The following SUMF1 variants were observed in gnomAD, a reference collection of about 807,000 sequenced individuals.
SUMF1 encodes formylglycine-generating enzyme.
A neutral mutation model predicts 47.6 loss-of-function variants in SUMF1; 48 were observed. That is an observed-to-expected ratio of 1.01 (90% CI 0.80 to 1.28). The LOEUF is 1.28. Ranked by LOEUF, SUMF1 falls within the 50% of genes most tolerant of loss-of-function variation. SUMF1 has a pLI of 0.00. For missense variants in SUMF1, 571 were observed against 485.4 expected (o/e 1.18, Z -1.66); for synonymous variants, 230 against 192.1 (o/e 1.20, Z -1.63).
At chr3:4,390,890 C>T (rs1465151623) in intron 7 of SUMF1, among the ~76,000 whole-genome samples, 1 of 152,142 alleles carries the variant, frequency 6.6e-6, no homozygotes, top group Non-Finnish European at 1.5e-5. Context: ...GCTTATAATT[C>T]TTTTATGTGC....
At chr3:4,260,645 G>A (rs539639427) in intron 8 of SUMF1, among the ~76,000 whole-genome samples, 34 of 152,206 alleles carry the variant, frequency 2.2e-4, no homozygotes, top group African/African-American at 7.2e-4. Context: ...TAAGGCATGA[G>A]AATCGCCTGA....
chr3:4,255,053 C>G (rs313660), intron 8 of SUMF1, among the ~76,000 whole-genome samples: 24,184 of 149,774 alleles, frequency 0.16, 2,205 homozygotes, highest in South Asian at 0.33. Context: ...CCTTTACAGA[C>G]AAGCAAATGC....
At chr3:4,132,920 C>T (rs1693825944) in intron 8 of SUMF1, among the ~76,000 whole-genome samples, 1 of 152,086 alleles carries the variant, frequency 6.6e-6, no homozygotes, top group Non-Finnish European at 1.5e-5. Flanking sequence ...TACAGCACCC[C>T]ACTCCAGGAT....
chr3:4,130,238 T>C lies in SUMF1; in HGVS notation c.1015-61493A>G, dbSNP rs1266860079. ...CTCTGATTGCAGCTGCTGTACCAGA[T>C]GTGATTTCATTGCTTGAGCAAATTA... On this transcript the variant is annotated intron_variant and NMD_transcript_variant, in intron 8 of 12. Transcript: ENST00000448413. 1.3e-5 allele frequency among the ~76,000 whole-genome samples: 2 copies of C among 152,176 alleles called. 1 individual carries two copies. The highest frequency in any genetic ancestry group is 4.8e-5 in the African/African-American group (2 of 41,444).
chr3:4,392,017 A>G (rs976590611), intron 7 of SUMF1, among the ~76,000 whole-genome samples: 4 of 151,836 alleles, frequency 2.6e-5, no homozygotes, highest in African/African-American at 9.7e-5. Flanking sequence ...TTGTAGAGAC[A>G]TGGTTTCTCC....
intron 6 of SUMF1, among the ~76,000 whole-genome samples, chr3:4,412,596 GA>G (rs1701579353): frequency 6.6e-6 from 1 of 152,150 alleles, no homozygotes; most frequent in African/African-American, 2.4e-5. Context: ...GTTAAAAGAT[GA>G]AACAGGCCAG....
intron 8 of SUMF1, among the ~76,000 whole-genome samples, chr3:4,174,705 G>A (rs1008862279): frequency 6.6e-5 from 10 of 152,130 alleles, no homozygotes; most frequent in Admixed American, 5.2e-4. Flanking sequence ...TGCAGCCCAT[G>A]GAGGGTGAGC....
At chr3:4,206,351 T>C (rs1574977066) in intron 8 of SUMF1, among the ~76,000 whole-genome samples, 1 of 152,070 alleles carries the variant, frequency 6.6e-6, no homozygotes, top group African/African-American at 2.4e-5. Context: ...ACAGTCTTTG[T>C]GGCCTAGACT....
At chr3:4,416,437 G>A (rs374624622) in intron 6 of SUMF1, among the ~76,000 whole-genome samples, 21 of 152,136 alleles carry the variant, frequency 1.4e-4, no homozygotes, top group African/African-American at 5.1e-4. Flanking sequence ...ATATAGGCAG[G>A]AAAAAATAGT....
At chr3:4,152,235 G>A (rs1011150573) in intron 8 of SUMF1, among the ~76,000 whole-genome samples, 1 of 151,520 alleles carries the variant, frequency 6.6e-6, no homozygotes, top group Non-Finnish European at 1.5e-5. Context: ...ATAGGAAAGG[G>A]TTTATTCAAG....
intron 8 of SUMF1, among the ~76,000 whole-genome samples, chr3:4,221,432 TGTG>T (rs1696061977): frequency 6.6e-6 from 1 of 151,674 alleles, no homozygotes; most frequent in Non-Finnish European, 1.5e-5. Context: ...TGTGTGTGTG[TGTG>T]TGTGTGTGTG....
chr3:4,356,593 C>G (rs79635600), downstream of SUMF1, among the ~76,000 whole-genome samples: 5 of 133,706 alleles, frequency 3.7e-5, no homozygotes, highest in African/African-American at 1.7e-4. Context: ...TTTTTTTTTG[C>G]TCTGTGAAAC....
intron 1 of SUMF1, among the ~76,000 whole-genome samples, chr3:4,461,457 C>T (rs1389213096): frequency 1.3e-5 from 2 of 152,198 alleles, no homozygotes; most frequent in Non-Finnish European, 2.9e-5. Context: ...GCAAATACTT[C>T]CTGTTAGGAG....
intron 8 of SUMF1, among the ~76,000 whole-genome samples, chr3:4,217,984 CA>C (rs1161364164): frequency 2.5e-4 from 38 of 152,150 alleles, no homozygotes; most frequent in African/African-American, 8.4e-4. Flanking sequence ...TCAAAACATT[CA>C]GTTTAATATC....
intron 8 of SUMF1, among the ~76,000 whole-genome samples, chr3:4,180,672 C>T (rs1258817518): frequency 6.4e-5 from 1 of 15,506 alleles, no homozygotes; most frequent in African/African-American, 2.7e-4. Context: ...TGCACATGTA[C>T]CCTAGAACTT....
chr3:4,230,630 C>G (rs1288347456), intron 8 of SUMF1, among the ~76,000 whole-genome samples: 3 of 152,112 alleles, frequency 2.0e-5, no homozygotes, highest in African/African-American at 7.2e-5. Context: ...GGATTCATAA[C>G]CTAGGTATGA....
intron 8 of SUMF1, among the ~76,000 whole-genome samples, chr3:4,288,116 C>G (rs1421114221): frequency 1.3e-5 from 2 of 152,146 alleles, no homozygotes; most frequent in African/African-American, 4.8e-5. Context: ...TTTAGAACTA[C>G]CTCACCAGAC....
rs894398444 is a variant in SUMF1 at position 4,171,321 on chromosome 3, G to A, written c.1015-102576C>T. On this transcript the variant is annotated intron_variant and NMD_transcript_variant, in intron 8 of 12. Transcript: ENST00000448413. Reference sequence around the variant, plus strand: ...TGACAAAATGATGGTCAGCACACATGAGTCTATAAGTAGGTCTCCAGAACA... The same window carrying A: ...TGACAAAATGATGGTCAGCACACATAAGTCTATAAGTAGGTCTCCAGAACA... Among the ~76,000 whole-genome samples, 9 of 152,136 alleles carry A rather than the reference G, an allele frequency of 5.9e-5. 1 individual carries two copies. The highest frequency in any genetic ancestry group is 2.2e-4 in the African/African-American group (9 of 41,426).
At chr3:4,083,637 A>C (rs1272670936) in intron 8 of SUMF1, among the ~76,000 whole-genome samples, 1 of 152,152 alleles carries the variant, frequency 6.6e-6, no homozygotes, top group Non-Finnish European at 1.5e-5. Context: ...TTATAGAAGA[A>C]CTTATACCTC....
Sources: gnomAD v4.1 joint callset for allele counts (sites outside exome capture counted in the v4.1 genomes callset) on GRCh38, gnomAD v4.1.1 for gene constraint, MANE v1.5 for transcripts, NCBI Gene and HGNC (gene_info 2026-07-23, HGNC 2026-07-21) for gene names.